Variants in SLC44A1 observed in about 807,000 individuals in gnomAD.
The protein encoded by SLC44A1 is solute carrier family 44 member 1, also known as choline transporter-like protein 1.
A neutral mutation model predicts 79.3 loss-of-function variants in SLC44A1; 26 were observed. That is an observed-to-expected ratio of 0.33 (90% CI 0.24 to 0.46). The LOEUF (loss-of-function observed/expected upper bound fraction) is 0.46, where lower values mean the gene tolerates loss of function less well. Ranked by LOEUF, SLC44A1 falls within the 20% of genes least tolerant of loss-of-function variation. The pLI is 1.00. For synonymous variants in SLC44A1, 263 were observed against 286.2 expected (o/e 0.92, Z 0.82); for missense variants, 688 against 798.1 (o/e 0.86, Z 1.66).
intron 4 of SLC44A1, among the ~76,000 whole-genome samples, chr9:105,342,987 A>ATAT (rs1321157256): frequency 6.9e-6 from 1 of 145,984 alleles, no homozygotes; most frequent in East Asian, 1.9e-4. Context: ...AAAAAAAAAA[A>ATAT]ATATATATAT....
intron 1 of SLC44A1, among the ~76,000 whole-genome samples, chr9:105,291,223 G>T (rs1830595074): frequency 6.6e-6 from 1 of 152,168 alleles, no homozygotes; most frequent in Non-Finnish European, 1.5e-5. Context: ...GCAAATAAAA[G>T]CATATTGGGG....
At chr9:105,400,317 C>T (rs1315711648), downstream of SLC44A1, among the ~76,000 whole-genome samples, 4 of 151,888 alleles carry the variant, frequency 2.6e-5, no homozygotes, top group Admixed American at 2.0e-4. Context: ...GGTGAAACCC[C>T]GTCTCTACTA....
intron 15 of SLC44A1, among the ~76,000 whole-genome samples, chr9:105,422,034 TGA>T (rs993383578): frequency 6.6e-6 from 1 of 152,154 alleles, no homozygotes; most frequent in African/African-American, 2.4e-5. Context: ...GAGTGCCAGT[TGA>T]GAGAGGTGAC....
intron 3 of SLC44A1, among the ~76,000 whole-genome samples, chr9:105,324,424 T>C (rs898105060): frequency 1.3e-5 from 2 of 150,842 alleles, no homozygotes; most frequent in South Asian, 4.2e-4. Context: ...CCAATTTTTG[T>C]ATTTTTTTTG....
intron 3 of SLC44A1, among the ~76,000 whole-genome samples, chr9:105,316,850 A>G (rs1397021075): frequency 6.6e-6 from 1 of 152,234 alleles, no homozygotes; most frequent in Non-Finnish European, 1.5e-5. Flanking sequence ...ACCATAAAGT[A>G]AGAAGCTTTA....
intron 3 of SLC44A1, among the ~76,000 whole-genome samples, chr9:105,330,737 T>C (rs1826724584): frequency 6.6e-6 from 1 of 152,228 alleles, no homozygotes; most frequent in Admixed American, 6.5e-5. Flanking sequence ...TTTGTTATTG[T>C]ATCTCAAAAA....
chr9:105,273,837 T>G (rs1356296522), intron 1 of SLC44A1, among the ~76,000 whole-genome samples: 1 of 152,162 alleles, frequency 6.6e-6, no homozygotes, highest in Non-Finnish European at 1.5e-5. Flanking sequence ...CTTAGTAGGA[T>G]TAATAATAAT....
intron 15 of SLC44A1, among the ~76,000 whole-genome samples, chr9:105,430,896 A>G (rs148162911): frequency 1.3e-5 from 2 of 152,332 alleles, no homozygotes; most frequent in East Asian, 3.9e-4. Flanking sequence ...CCAGCAATGT[A>G]TGAGGGTTCC....
chr9:105,255,649 A>G (rs187480682), intron 1 of SLC44A1, among the ~76,000 whole-genome samples: 1 of 152,300 alleles, frequency 6.6e-6, no homozygotes, highest in East Asian at 1.9e-4. Context: ...TGCCTTCCTC[A>G]GAAGTCCTTT....
chr9:105,275,671 T>TA (rs751453619), intron 1 of SLC44A1, among the ~76,000 whole-genome samples: 5 of 152,216 alleles, frequency 3.3e-5, no homozygotes, highest in Non-Finnish European at 5.9e-5. Context: ...AGTCTCCTAT[T>TA]ATTTGATCTA....
rs1827769444 is a variant in SLC44A1, at chr9:105,361,221, C to T, written c.791C>T (p.Ala264Val). 1 of 1,614,062 alleles carries T rather than the reference C, an allele frequency of 6.2e-7. No homozygotes were observed. Among genetic ancestry groups the T allele is most frequent in the Non-Finnish European group, 8.5e-7 (1 of 1,179,926 alleles). The change falls in exon 8 of 16, where the codon GCA (alanine) becomes GTA (valine). Residue 264 changes from alanine (A) to valine (V), a missense_variant. By Grantham distance (64) the Ala-to-Val change is moderately conservative (BLOSUM62 0). Coordinates refer to ENST00000374720, the MANE Select transcript of SLC44A1 (RefSeq NM_080546.5). ...GGTGVLWWLYAKQRRSPKETV... is the reference protein window; with the variant it reads ...GGTGVLWWLYVKQRRSPKETV... ...ACAGGTGTACTATGGTGGCTGTATG[C>T]AAAGCAAAGAAGGTCTCCCAAAGAA...
intron 1 of SLC44A1, among the ~76,000 whole-genome samples, chr9:105,286,350 AC>A (rs1830477969): frequency 6.6e-6 from 1 of 151,986 alleles, no homozygotes; most frequent in Non-Finnish European, 1.5e-5. Context: ...ATATTACTTA[AC>A]CCCCTTTGTC....
At chr9:105,292,841 G>A (rs1247036243) in intron 1 of SLC44A1, among the ~76,000 whole-genome samples, 2 of 152,160 alleles carry the variant, frequency 1.3e-5, no homozygotes, top group South Asian at 2.1e-4. Flanking sequence ...TTTGTGTGGT[G>A]CCCAGTATTT....
At chr9:105,269,890 G>A (rs962088146) in intron 1 of SLC44A1, among the ~76,000 whole-genome samples, 2 of 152,132 alleles carry the variant, frequency 1.3e-5, no homozygotes, top group Non-Finnish European at 2.9e-5. Context: ...TCTCGTCTTA[G>A]TGTGCCACAC....
At chr9:105,307,832 T>A (rs1201771367) in intron 2 of SLC44A1, among the ~76,000 whole-genome samples, 2 of 152,122 alleles carry the variant, frequency 1.3e-5, no homozygotes, top group Non-Finnish European at 2.9e-5. Context: ...TTTTTTTCTA[T>A]GTCTTAGCAT....
chr9:105,247,833 T>C (rs1281901895), intron 1 of SLC44A1, among the ~76,000 whole-genome samples: 3 of 152,194 alleles, frequency 2.0e-5, no homozygotes, highest in African/African-American at 7.2e-5. Context: ...ACCTGACCCA[T>C]CTACTGTTTG....
In SLC44A1 at chr9:105,383,237, G is replaced by A. The variant is rs997405055; in HGVS notation, c.1747G>A (p.Ala583Thr). ...IIVCLFAFLV[A>T]HCFLSIYEMV... is the part of the protein sequence containing the mutation. ...CGTCTGCCTCTTTGCTTTCCTAGTCGCTCATTGCTTCCTGTCTATTTATGA... is the reference window on the plus strand; with the variant it reads ...CGTCTGCCTCTTTGCTTTCCTAGTCACTCATTGCTTCCTGTCTATTTATGA... Residue 583 changes from alanine (A) to threonine (T), a missense_variant, in exon 14 of 16, where the codon GCT becomes ACT. Ala to Thr is a moderately conservative substitution (Grantham distance 58). Transcript: ENST00000374720. The A allele has an allele frequency of 1.7e-5, 27 of 1,613,702 alleles. No individual in the cohort carries two copies. The highest frequency in any genetic ancestry group is 2.0e-5 in the Non-Finnish European group (24 of 1,179,834).
At chr9:105,361,954 G>A (rs1366700962) in intron 8 of SLC44A1, among the ~76,000 whole-genome samples, 7 of 152,176 alleles carry the variant, frequency 4.6e-5, no homozygotes, top group Non-Finnish European at 8.8e-5. Context: ...GGGAGGCAGA[G>A]GTGGGAGGGT....
At chr9:105,352,573 G>A (rs1383924346) in intron 5 of SLC44A1, among the ~76,000 whole-genome samples, 1 of 152,076 alleles carries the variant, frequency 6.6e-6, no homozygotes, top group Non-Finnish European at 1.5e-5. Context: ...TGACTACATC[G>A]ACTTATTAAA....
Sources: allele counts gnomAD v4.1 joint callset (sites outside exome capture counted in the v4.1 genomes callset), GRCh38; gene constraint gnomAD v4.1.1; transcripts MANE v1.5; gene names NCBI Gene and HGNC (gene_info 2026-07-23, HGNC 2026-07-21).